EYS: variants seen among roughly 807,000 people sequenced by gnomAD.
EYS encodes protein eyes shut homolog.
A neutral mutation model predicts 282.1 loss-of-function variants in EYS; 250 were observed. That is an observed-to-expected ratio of 0.89 (90% CI 0.80 to 0.98). The LOEUF (loss-of-function observed/expected upper bound fraction) is 0.98. Among genes scored for constraint, EYS ranks in the 50% least tolerant of loss-of-function variants. The pLI is 0.00. For missense variants in EYS, 4,016 were observed against 3,709.0 expected (o/e 1.08, Z -2.15); for synonymous variants, 1,355 against 1,282.9 (o/e 1.06, Z -1.20).
At chr6:64,003,328 A>G (rs1768186265) in intron 33 of EYS, among the ~76,000 whole-genome samples, 1 of 152,166 alleles carries the variant, frequency 6.6e-6, no homozygotes, top group Non-Finnish European at 1.5e-5. Context: ...GGGGGTTGGA[A>G]CGATTGTTAC....
At chr6:64,142,575 A>G (rs1417836879) in intron 31 of EYS, among the ~76,000 whole-genome samples, 1 of 152,186 alleles carries the variant, frequency 6.6e-6, no homozygotes, top group Non-Finnish European at 1.5e-5. Flanking sequence ...ACCAGGTCAT[A>G]GCACACCTCA....
chr6:65,260,549 T>C (rs1384310561), intron 12 of EYS, among the ~76,000 whole-genome samples: 1 of 152,096 alleles, frequency 6.6e-6, no homozygotes, highest in Non-Finnish European at 1.5e-5. Context: ...AAAATTGTCT[T>C]TGTTTGAATT....
chr6:64,401,665 T>TA lies in EYS; in HGVS notation c.5928-12826dup, dbSNP rs1316679925. On this transcript the variant is annotated intron_variant, in intron 28 of 42. Coordinates refer to ENST00000503581, the MANE Select transcript of EYS (RefSeq NM_001142800.2). ...TAAATATAAAATATATTCATTAGCT[T>TA]AAAAATACTTATTAAACTGCAACTA... Among the ~76,000 whole-genome samples, 11 of 151,976 alleles carry TA rather than the reference T, an allele frequency of 7.2e-5. No individual in the cohort carries two copies. In the East Asian group the frequency reaches 1.9e-3, roughly 27 times the overall value.
chr6:63,904,906 A>G lies in EYS; in HGVS notation c.7056-40548T>C, dbSNP rs558381053. ...GCATCTGTGGTAAAATACACATACCATAAAATTCACTGTTTAAACCATTCT... is the reference window on the plus strand; with the variant it reads ...GCATCTGTGGTAAAATACACATACCGTAAAATTCACTGTTTAAACCATTCT... On this transcript the variant is annotated intron_variant, in intron 35 of 42. Transcript: ENST00000503581. Among the ~76,000 whole-genome samples the G allele has an allele frequency of 2.0e-5, 3 of 152,386 alleles. No homozygotes were observed. In the South Asian group the frequency reaches 6.2e-4, roughly 32 times the overall value.
intron 37 of EYS, among the ~76,000 whole-genome samples, chr6:63,792,497 G>A (rs1303497589): frequency 6.6e-6 from 1 of 152,080 alleles, no homozygotes; most frequent in Admixed American, 6.5e-5. Flanking sequence ...TAAATGACGA[G>A]TTAATGGGTG....
At chr6:65,372,343 T>A (rs1765190956) in intron 8 of EYS, among the ~76,000 whole-genome samples, 1 of 152,182 alleles carries the variant, frequency 6.6e-6, no homozygotes, top group South Asian at 2.1e-4. Flanking sequence ...TCTAACTATA[T>A]GTATTAAAAT....
chr6:63,995,381 T>A (rs143249486), intron 34 of EYS, among the ~76,000 whole-genome samples: 27 of 152,088 alleles, frequency 1.8e-4, no homozygotes, highest in African/African-American at 4.8e-4. Context: ...AAGATGGCTA[T>A]TACCCAAACC....
At chr6:65,573,737 T>C (rs1281380439) in intron 2 of EYS, among the ~76,000 whole-genome samples, 2 of 152,182 alleles carry the variant, frequency 1.3e-5, no homozygotes, top group African/African-American at 4.8e-5. Flanking sequence ...TTGCAGTATA[T>C]GCCCATGCTT....
chr6:64,190,137 C>T (rs1183106642), intron 31 of EYS, among the ~76,000 whole-genome samples: 4 of 152,024 alleles, frequency 2.6e-5, no homozygotes, highest in East Asian at 1.9e-4. Context: ...GTGAAGGTAC[C>T]GATAAGTAAG....
chr6:64,471,198 C>T (rs1346973082), intron 26 of EYS, among the ~76,000 whole-genome samples: 1 of 152,004 alleles, frequency 6.6e-6, no homozygotes, highest in East Asian at 1.9e-4. Context: ...AAAGTATGCC[C>T]ACGTTCCTTA....
At chr6:65,546,183 T>C (rs1230576186) in intron 2 of EYS, among the ~76,000 whole-genome samples, 2 of 121,228 alleles carry the variant, frequency 1.6e-5, no homozygotes, top group African/African-American at 5.5e-5. Flanking sequence ...TACATCTGTC[T>C]AGTTTTTTTT....
chr6:65,638,813 G>A (rs1767179797), intron 2 of EYS, among the ~76,000 whole-genome samples: 1 of 152,216 alleles, frequency 6.6e-6, no homozygotes, highest in African/African-American at 2.4e-5. Context: ...AGCACAGCCT[G>A]GCAGGCTGAC....
Position 65,479,169 on chromosome 6 carries a change from A to G in EYS, c.862+11425T>C, listed in dbSNP as rs1316840128. 3.3e-5 allele frequency among the ~76,000 whole-genome samples: 5 copies of G among 151,954 alleles called. No individual in the cohort carries two copies. The South Asian group carries it at 6.2e-4, about 19-fold the overall frequency. The stretch of plus-strand genomic sequence containing the variant: ...ACCACAAATGGTTGAACTAAAATGA[A>G]TAGAGCCTCAGTGACCAGTAGGAGA... On this transcript the variant is annotated intron_variant, in intron 5 of 42. Transcript: ENST00000503581.
chr6:65,592,298 C>G (rs919118456), intron 2 of EYS, among the ~76,000 whole-genome samples: 1 of 151,648 alleles, frequency 6.6e-6, no homozygotes, highest in Admixed American at 6.6e-5. Flanking sequence ...TAGAAGTTGC[C>G]AAATTATAAT....
chr6:65,009,157 G>C (rs891838995), intron 13 of EYS, among the ~76,000 whole-genome samples: 1 of 151,996 alleles, frequency 6.6e-6, no homozygotes, highest in Non-Finnish European at 1.5e-5. Flanking sequence ...GACGAGCAAA[G>C]AATGCCCATC....
rs1776292770 is a variant in EYS, at chr6:64,477,042, T to C, written c.5645-37690A>G. On this transcript the variant is annotated intron_variant, in intron 26 of 42. Coordinates refer to ENST00000503581, the MANE Select transcript of EYS (RefSeq NM_001142800.2). The stretch of plus-strand genomic sequence containing the variant: ...AGAAAGAAGATTATCTTCCCTGTCA[T>C]TTTCAACCAATTTTCAAGAAAGTCC... Among the ~76,000 whole-genome samples, 4 of 152,214 alleles carry C rather than the reference T, an allele frequency of 2.6e-5. No individual in the cohort carries two copies. The South Asian group carries it at 8.3e-4, about 32-fold the overall frequency.
intron 12 of EYS, among the ~76,000 whole-genome samples, chr6:65,079,211 G>A (rs980410626): frequency 2.0e-5 from 3 of 151,988 alleles, no homozygotes; most frequent in African/African-American, 7.2e-5. Flanking sequence ...CTTATAAAAA[G>A]TGAATTTTAT....
chr6:65,106,145 G>A (rs1775029760), intron 12 of EYS, among the ~76,000 whole-genome samples: 2 of 151,896 alleles, frequency 1.3e-5, no homozygotes, highest in South Asian at 2.1e-4. Flanking sequence ...AAACTCTTAC[G>A]CAGTATGGAT....
chr6:64,929,339 C>G (rs1768630531), intron 15 of EYS, among the ~76,000 whole-genome samples: 1 of 152,116 alleles, frequency 6.6e-6, no homozygotes, highest in Non-Finnish European at 1.5e-5. Flanking sequence ...AAAACTGTCT[C>G]TTCCTCCATT....
Sources: gnomAD v4.1 joint callset for allele counts (sites outside exome capture counted in the v4.1 genomes callset) on GRCh38, gnomAD v4.1.1 for gene constraint, MANE v1.5 for transcripts, NCBI Gene and HGNC (gene_info 2026-07-23, HGNC 2026-07-21) for gene names.